The following KLF12 variants were observed in gnomAD, a reference collection of about 807,000 sequenced individuals.
KLF12 encodes Krueppel-like factor 12.
Under a neutral mutation model 37.8 loss-of-function variants are expected in KLF12, and 9 were observed. The ratio of observed to expected loss-of-function variants is 0.24; its 90% CI spans 0.14 to 0.42. The LOEUF (loss-of-function observed/expected upper bound fraction) is 0.42. Among genes scored for constraint, KLF12 ranks in the 10% least tolerant of loss-of-function variants. The pLI is 1.00. For synonymous variants in KLF12, 208 were observed against 202.1 expected (o/e 1.03, Z -0.25); for missense variants, 411 against 516.0 (o/e 0.80, Z 1.97).
chr13:74,294,097 A>G, the KLF12 span, among the ~76,000 whole-genome samples: 1,537 of 152,348 alleles, frequency 0.01, 28 homozygotes, highest in African/African-American at 0.035. Context: ...GGAGTAGGGC[A>G]TGAGATTTGG....
chr13:73,709,015 A>C (rs955960873), intron 7 of KLF12, among the ~76,000 whole-genome samples: 2 of 152,168 alleles, frequency 1.3e-5, no homozygotes, highest in African/African-American at 4.8e-5. Flanking sequence ...ACATGCCTTA[A>C]ATGATTAAGC....
chr13:73,845,816 A>T lies in KLF12; in HGVS notation c.670+11T>A. 1 of 1,605,026 alleles carries T rather than the reference A, an allele frequency of 6.2e-7. No homozygotes were observed. Among genetic ancestry groups the T allele is most frequent in the Non-Finnish European group, 8.5e-7 (1 of 1,174,664 alleles). On this transcript the variant is annotated intron_variant, in intron 4 of 7. Coordinates refer to ENST00000377669, the MANE Select transcript of KLF12 (RefSeq NM_007249.5). ...TGCTGAAATAAATCAAGGCTTGTTT[A>T]TGTCTCTTACCTTTGCCATGGCCTC... is the stretch of plus-strand genomic sequence containing the variant.
At chr13:73,707,643 T>C (rs1875052765) in intron 7 of KLF12, among the ~76,000 whole-genome samples, 1 of 152,136 alleles carries the variant, frequency 6.6e-6, no homozygotes, top group Non-Finnish European at 1.5e-5. Flanking sequence ...AATGAGCTAT[T>C]TAATTAATGA....
At chr13:74,302,787 A>G in the KLF12 span, among the ~76,000 whole-genome samples, 1 of 152,076 alleles carries the variant, frequency 6.6e-6, no homozygotes, top group Non-Finnish European at 1.5e-5. Context: ...TCTGATTCAC[A>G]GGGACACCTT....
At chr13:73,863,085 T>A (rs1417277165) in intron 3 of KLF12, among the ~76,000 whole-genome samples, 2 of 152,090 alleles carry the variant, frequency 1.3e-5, no homozygotes, top group Non-Finnish European at 2.9e-5. Flanking sequence ...TCCAGCAGAT[T>A]TACCACCATA....
At chr13:73,940,738 T>A (rs1359096674) in intron 3 of KLF12, among the ~76,000 whole-genome samples, 6 of 151,914 alleles carry the variant, frequency 3.9e-5, no homozygotes, top group Admixed American at 6.6e-5. Flanking sequence ...CCTCTAGGAG[T>A]TTACACTCTG....
the KLF12 span, among the ~76,000 whole-genome samples, chr13:74,265,584 T>C: frequency 2.6e-5 from 4 of 152,224 alleles, no homozygotes; most frequent in African/African-American, 9.6e-5. Flanking sequence ...ATGTCTGTTA[T>C]AGAAGAATGG....
chr13:74,049,145 A>G (rs1285825823), intron 1 of KLF12, among the ~76,000 whole-genome samples: 1 of 152,214 alleles, frequency 6.6e-6, no homozygotes, highest in Admixed American at 6.5e-5. Context: ...CTAGCAGTTT[A>G]TTGCTAGTGC....
chr13:74,090,888 T>A (rs1875612299), intron 1 of KLF12, among the ~76,000 whole-genome samples: 1 of 151,110 alleles, frequency 6.6e-6, no homozygotes, highest in Admixed American at 6.6e-5. Context: ...AAATAAAATT[T>A]GTATAGAAAT....
At chr13:73,878,028 T>C (rs1172530807) in intron 3 of KLF12, among the ~76,000 whole-genome samples, 5 of 152,142 alleles carry the variant, frequency 3.3e-5, no homozygotes, top group Non-Finnish European at 5.9e-5. Flanking sequence ...ATCCTTATCA[T>C]ATATAATCTA....
chr13:73,785,356 C>T (rs1243006376), intron 5 of KLF12, among the ~76,000 whole-genome samples: 4 of 151,988 alleles, frequency 2.6e-5, no homozygotes, highest in East Asian at 1.9e-4. Flanking sequence ...TCAAGTGATC[C>T]GCTCACCTCC....
intron 1 of KLF12, among the ~76,000 whole-genome samples, chr13:73,998,009 C>T (rs573694615): frequency 7.9e-5 from 12 of 152,220 alleles, no homozygotes; most frequent in African/African-American, 2.2e-4. Flanking sequence ...TAGCTGCAAG[C>T]AATAGAGAAT....
intron 1 of KLF12, among the ~76,000 whole-genome samples, chr13:74,115,705 A>G (rs866767266): frequency 9.4e-5 from 1 of 10,618 alleles, no homozygotes. Flanking sequence ...ACTCTGACAA[A>G]AAAAAAAAAA....
the KLF12 span, among the ~76,000 whole-genome samples, chr13:74,143,142 G>A: frequency 1.4e-5 from 2 of 143,166 alleles, no homozygotes; most frequent in African/African-American, 2.6e-5. Context: ...GTCCTATTCC[G>A]TCTTCTTCTC....
intron 1 of KLF12, among the ~76,000 whole-genome samples, chr13:74,103,905 T>C (rs1876502139): frequency 6.6e-6 from 1 of 152,178 alleles, no homozygotes; most frequent in East Asian, 1.9e-4. Flanking sequence ...AAATGATAAG[T>C]TTTGTTAGAA....
At chr13:73,863,937 C>G (rs966461445) in intron 3 of KLF12, among the ~76,000 whole-genome samples, 5 of 152,076 alleles carry the variant, frequency 3.3e-5, no homozygotes, top group Admixed American at 1.3e-4. Flanking sequence ...CAGTTTAGTA[C>G]AGTTTTTAAT....
At chr13:74,078,201 G>A (rs939372088) in intron 1 of KLF12, among the ~76,000 whole-genome samples, 4 of 152,148 alleles carry the variant, frequency 2.6e-5, no homozygotes, top group African/African-American at 9.7e-5. Context: ...GGAGGAGTGC[G>A]CATTTACAGT....
the KLF12 span, among the ~76,000 whole-genome samples, chr13:74,184,394 A>G: frequency 6.6e-6 from 1 of 152,174 alleles, no homozygotes; most frequent in African/African-American, 2.4e-5. Context: ...CACCAACTCA[A>G]TATAGTAAAC....
intron 1 of KLF12, among the ~76,000 whole-genome samples, chr13:74,034,908 T>A (rs1269313107): frequency 6.6e-6 from 1 of 152,236 alleles, no homozygotes; most frequent in African/African-American, 2.4e-5. Flanking sequence ...TTAATTTTTA[T>A]CCCAACCCAT....
Sources: allele counts gnomAD v4.1 joint callset (sites outside exome capture counted in the v4.1 genomes callset), GRCh38; gene constraint gnomAD v4.1.1; transcripts MANE v1.5; gene names NCBI Gene and HGNC (gene_info 2026-07-23, HGNC 2026-07-21).